MTMR11: variants seen among roughly 807,000 people sequenced by gnomAD.
MTMR11 encodes the protein myotubularin-related protein 11.
In MTMR11, 89 loss-of-function variants were observed where a neutral mutation model predicts 100.0. The ratio of observed to expected loss-of-function variants is 0.89; its 90% confidence interval spans 0.75 to 1.06. The LOEUF (loss-of-function observed/expected upper bound fraction) is 1.06, where lower values mean the gene tolerates loss of function less well. Ranked by LOEUF, MTMR11 falls within the 50% of genes least tolerant of loss-of-function variation. The probability of loss-of-function intolerance (pLI) is 0.00; values close to 1 mark genes in which losing one functional copy is unlikely to be tolerated. For missense variants in MTMR11, 809 were observed against 873.7 expected (o/e 0.93, Z 0.93); for synonymous variants, 336 against 326.3 (o/e 1.03, Z -0.32).
At position 149,931,285 on chromosome 1, in the gene MTMR11, A is replaced by C; in HGVS notation, c.1265T>G (p.Leu422Arg). The C allele has an allele frequency of 6.2e-7, 1 of 1,614,056 alleles. No homozygotes were observed. Among genetic ancestry groups the C allele is most frequent in the South Asian group, 1.1e-5 (1 of 91,072 alleles). ...VAAGHPFLTR[L>R]GGTGASEEAP... ...CTCTTCACTGGCCCCAGTTCCCCCA[A>C]GCCGAGTCAGGAAGGGATGTCCAGC... Residue 422 changes from leucine (L) to arginine (R), a missense_variant, in exon 13 of 17, where the codon CTT becomes CGT. Physicochemically the swap from Leu to Arg is moderately radical, Grantham distance 102. Transcript: ENST00000439741.
At chr1:149,935,786 G>A in intron 2 of MTMR11, 81 bp from the exon 3 acceptor site, 1 of 1,448,428 alleles carries the variant, frequency 6.9e-7, no homozygotes, top group Middle Eastern at 2.1e-4. Context: ...TCCAAGAAAG[G>A]GAGATCTAAA....
At chr1:149,930,725 A>G in intron 14 of MTMR11, 67 bp downstream of exon 14, 1 of 1,482,130 alleles carries the variant, frequency 6.7e-7, no homozygotes, top group Non-Finnish European at 9.0e-7. Flanking sequence ...AAACAAATCA[A>G]GACCAAACTT....
chr1:149,931,586 A>C, intron 12 of MTMR11, 160 bp from the exon 13 acceptor site: 1 of 651,066 alleles, frequency 1.5e-6, no homozygotes. Context: ...AGAGAAAACA[A>C]AGACCTTGAA....
At chr1:149,930,576 G>A (rs782676964) in intron 14 of MTMR11, 29 bp from the exon 15 acceptor site, 1 of 1,571,848 alleles carries the variant, frequency 6.4e-7, no homozygotes, top group South Asian at 1.1e-5. Context: ...AAAAAGGATG[G>A]TTACACACAA....
chr1:149,929,849 AG>A lies in MTMR11; in HGVS notation c.1714del (p.Leu572Ter). ...GTCCCGCCAAGGACAGAGCTGATTC[AG>A]GGGGGTCAATGCTCCTCTAGAGAAG... ...WLFSRGALTP[L>X]NQLCPWRDSP... On this transcript the variant is annotated frameshift_variant, in exon 16 of 17. Coordinates refer to ENST00000439741, the MANE Select transcript of MTMR11 (RefSeq NM_001145862.2). LOFTEE classifies it high-confidence loss of function. 6.2e-7 allele frequency: 1 copy of A among 1,614,176 alleles called. No homozygotes were observed. Among genetic ancestry groups the A allele is most frequent in the African/African-American group, 1.3e-5 (1 of 75,042 alleles).
intron 4 of MTMR11, 85 bp downstream of exon 4, chr1:149,935,214 G>T (rs782183769): frequency 4.8e-5 from 77 of 1,606,044 alleles, no homozygotes; most frequent in Non-Finnish European, 6.5e-5. Flanking sequence ...CTCCATCCCT[G>T]CTGTTTTCTG....
chr1:149,930,180 C>T (rs2092640053), intron 15 of MTMR11, 185 bp downstream of exon 15: 5 of 701,258 alleles, frequency 7.1e-6, no homozygotes, highest in Non-Finnish European at 1.2e-5. Context: ...AAAAGGGTGC[C>T]CTCTGTGCTA....
At chr1:149,936,254 G>A in intron 1 of MTMR11, 25 bp from the exon 2 acceptor site, 7 of 1,613,504 alleles carry the variant, frequency 4.3e-6, no homozygotes, top group East Asian at 4.5e-5. Context: ...GTTGAGGGGG[G>A]TCTAGAGTTA....
chr1:149,933,732 G>T, intron 8 of MTMR11, 34 bp from the exon 9 acceptor site: 1 of 1,613,060 alleles, frequency 6.2e-7, no homozygotes, highest in Non-Finnish European at 8.5e-7. Flanking sequence ...CATTGTGGGA[G>T]AAATGCCTAG....
At chr1:149,936,327 G>C in intron 1 of MTMR11, 98 bp from the exon 2 acceptor site, 1 of 1,546,486 alleles carries the variant, frequency 6.5e-7, no homozygotes. Flanking sequence ...CACACTCTCG[G>C]GGGAAACTGA....
chr1:149,935,772 C>G (rs1015832944), intron 2 of MTMR11, 67 bp from the exon 3 acceptor site: 1 of 1,483,914 alleles, frequency 6.7e-7, no homozygotes, highest in Admixed American at 2.3e-5. Context: ...GATACACCCA[C>G]CCCTCCAAGA....
At chr1:149,929,440 A>T in intron 16 of MTMR11, 123 bp from the exon 17 acceptor site, 1 of 1,216,892 alleles carries the variant, frequency 8.2e-7, no homozygotes, top group East Asian at 2.3e-5. Context: ...ATTCCACTTA[A>T]TCTAAGCCAC....
At position 149,931,327 on chromosome 1, in the gene MTMR11, T is replaced by C. The variant is rs2092657648; in HGVS notation, c.1223A>G (p.Gln408Arg). 1 of 1,614,100 alleles carries C rather than the reference T, an allele frequency of 6.2e-7. No homozygotes were observed. Among genetic ancestry groups the C allele is most frequent in the Non-Finnish European group, 8.5e-7 (1 of 1,180,010 alleles). The change falls in exon 13 of 17, where the codon CAG becomes CGG. Residue 408 changes from glutamine to arginine, a missense_variant. Physicochemically the swap from Gln to Arg is conservative, Grantham distance 43. Coordinates refer to ENST00000439741, the MANE Select transcript of MTMR11 (RefSeq NM_001145862.2). ...RTLFGFQSLV[Q>R]REWVAAGHPF... ...ATGTCCAGCTGCCACCCACTCTCGC[T>C]GTACTAGTGATTGGAAGCCAAACAG...
At chr1:149,934,936 A>T in intron 5 of MTMR11, 50 bp downstream of exon 5, 1 of 1,588,500 alleles carries the variant, frequency 6.3e-7, no homozygotes, top group Non-Finnish European at 8.5e-7. Context: ...CAGGGAGAGG[A>T]TCCCAAGGTT....
chr1:149,928,961 AG>A lies in MTMR11; in HGVS notation c.*167del, dbSNP rs2101652273. ...TTTCTTAATCCTTCAAATGACAAGAAGCAAAAATATTTGTAGAAACTAAGCA... is the reference window on the plus strand; with the variant it reads ...TTTCTTAATCCTTCAAATGACAAGAACAAAAATATTTGTAGAAACTAAGCA... On this transcript the variant is annotated 3_prime_UTR_variant, in exon 17 of 17. Transcript: ENST00000439741. 1 of 1,613,636 alleles carries A rather than the reference AG, an allele frequency of 6.2e-7. No homozygotes were observed. The highest frequency in any genetic ancestry group is 8.5e-7 in the Non-Finnish European group (1 of 1,179,748).
Position 149,934,174 on chromosome 1 carries a change from G to A in MTMR11, c.683+17C>T. 1 of 1,613,518 alleles carries A rather than the reference G, an allele frequency of 6.2e-7. No individual in the cohort carries two copies. The highest frequency in any genetic ancestry group is 8.5e-7 in the Non-Finnish European group (1 of 1,179,958). On this transcript the variant is annotated intron_variant, in intron 7 of 16. Transcript: ENST00000439741. Reference sequence around the variant, plus strand: ...AGATTGGGAGAGCAGCAGGGTTGGGGTGCACTGGGGGATCACCTGGTGGCT... The same window carrying A: ...AGATTGGGAGAGCAGCAGGGTTGGGATGCACTGGGGGATCACCTGGTGGCT...
Position 149,929,045 on chromosome 1 carries a change from G to T in MTMR11, c.*84C>A. On this transcript the variant is annotated 3_prime_UTR_variant, in exon 17 of 17. Transcript: ENST00000439741. ...TGCAGCAGAAACTCAGACCTTCTTA[G>T]TGAACTTAAGGGCTGAAGTGTGAAA... The T allele has an allele frequency of 6.3e-7, 1 of 1,588,468 alleles. No homozygotes were observed. The highest frequency in any genetic ancestry group is 1.1e-5 in the South Asian group (1 of 88,086).
At position 149,929,749 on chromosome 1, in the gene MTMR11, C is replaced by G; in HGVS notation, c.1815G>C (p.Gln605His). 6.2e-7 allele frequency: 1 copy of G among 1,614,186 alleles called. No homozygotes were observed. Among genetic ancestry groups the G allele is most frequent in the South Asian group, 1.1e-5 (1 of 91,078 alleles). ...CCCAATGTGAGGGGAGACCCCATTC[C>G]TGGTCAGCCAGGCTTTCAGAGGAGA... ...PAISSESLADQEWGLPSHWGA... is the reference protein window; with the variant it reads ...PAISSESLADHEWGLPSHWGA... Residue 605 changes from glutamine (Q) to histidine (H), a missense_variant, in exon 16 of 17, where the codon CAG becomes CAC. Transcript: ENST00000439741.
At chr1:149,929,416 C>CAGCT in intron 16 of MTMR11, 99 bp from the exon 17 acceptor site, 1 of 1,271,264 alleles carries the variant, frequency 7.9e-7, no homozygotes, top group Non-Finnish European at 1.1e-6. Context: ...TTTCCCCTTT[C>CAGCT]AGCTATGCCC....
Sources: gnomAD v4.1 joint callset for allele counts on GRCh38, gnomAD v4.1.1 for gene constraint, MANE v1.5 for transcripts, NCBI Gene and HGNC (gene_info 2026-07-23, HGNC 2026-07-21) for gene names.